STXBP4: variants seen among roughly 807,000 people sequenced by gnomAD.
The protein encoded by STXBP4 is syntaxin-binding protein 4.
Under a neutral mutation model 76.1 loss-of-function variants are expected in STXBP4, and 55 were observed. The observed-to-expected ratio is 0.72, with a 90% CI of 0.58 to 0.91. The LOEUF is 0.91. Among genes scored for constraint, STXBP4 ranks in the 40% least tolerant of loss-of-function variants. The probability of loss-of-function intolerance (pLI) is 0.00; values close to 1 mark genes in which losing one functional copy is unlikely to be tolerated. For missense variants in STXBP4, 618 were observed against 636.9 expected (o/e 0.97, Z 0.32); for synonymous variants, 201 against 220.2 (o/e 0.91, Z 0.77).
intron 8 of STXBP4, among the ~76,000 whole-genome samples, chr17:55,019,043 T>C (rs1276472890): frequency 6.6e-6 from 1 of 152,222 alleles, no homozygotes; most frequent in Non-Finnish European, 1.5e-5. Context: ...AAAATAATTG[T>C]TGGATTAGTT....
rs560390920 is a variant in STXBP4 at position 55,153,366 on chromosome 17, G to A, written c.1548-6431G>A. ...AGTGGCTTTAGCATTTATACATGAC[G>A]GAATCAATAATACTGACAAAATACT... On this transcript the variant is annotated intron_variant, in intron 17 of 17. Coordinates refer to ENST00000376352, the MANE Select transcript of STXBP4 (RefSeq NM_178509.6). Among the ~76,000 whole-genome samples the A allele has an allele frequency of 5.1e-4, 78 of 152,192 alleles. No homozygotes were observed. In the South Asian group the frequency reaches 0.015, roughly 30 times the overall value.
At chr17:54,972,441 A>G (rs142354388) in intron 1 of STXBP4, among the ~76,000 whole-genome samples, 82 of 152,238 alleles carry the variant, frequency 5.4e-4, no homozygotes, top group Non-Finnish European at 4.9e-4. Flanking sequence ...TATACCATAT[A>G]TTTCTTGTTT....
rs376162283 is a variant in STXBP4 at position 54,978,133 on chromosome 17, T to C, written c.-156-7481T>C. On this transcript the variant is annotated intron_variant, in intron 1 of 17. Coordinates refer to ENST00000376352, the MANE Select transcript of STXBP4 (RefSeq NM_178509.6). ...AAGAAAATCGTTCCCTCAAAAAACA[T>C]TGGGAGACTTGTAGTTTAATAAGCC... Among the ~76,000 whole-genome samples, 233 of 152,288 alleles carry C rather than the reference T, an allele frequency of 1.5e-3. 7 individuals are homozygous for C. The South Asian group carries it at 0.045, about 29-fold the overall frequency.
At chr17:54,969,869 G>C (rs1333502597) in intron 1 of STXBP4, among the ~76,000 whole-genome samples, 1 of 152,196 alleles carries the variant, frequency 6.6e-6, no homozygotes, top group African/African-American at 2.4e-5. Context: ...GAGGGACTCA[G>C]AAAATAATCA....
At chr17:55,194,091 G>A in the STXBP4 span, among the ~76,000 whole-genome samples, 1 of 152,012 alleles carries the variant, frequency 6.6e-6, no homozygotes, top group South Asian at 2.1e-4. Flanking sequence ...TTACACATAT[G>A]CCTGCATTCA....
At chr17:55,131,508 T>C (rs953406736) in intron 16 of STXBP4, among the ~76,000 whole-genome samples, 2 of 152,234 alleles carry the variant, frequency 1.3e-5, no homozygotes, top group African/African-American at 4.8e-5. Flanking sequence ...TGTGTCTACC[T>C]ATTGCTCTCA....
At chr17:54,999,059 G>A (rs1490654415) in intron 4 of STXBP4, among the ~76,000 whole-genome samples, 1 of 147,682 alleles carries the variant, frequency 6.8e-6, no homozygotes, top group East Asian at 2.1e-4. Flanking sequence ...TTTTAAAACA[G>A]GTCCCTTTTC....
chr17:55,076,925 T>G (rs1206148993), intron 13 of STXBP4, among the ~76,000 whole-genome samples: 1 of 152,196 alleles, frequency 6.6e-6, no homozygotes, highest in Non-Finnish European at 1.5e-5. Context: ...TCTAACTGGA[T>G]GTCAAATCTA....
chr17:55,064,909 T>C (rs968701387), intron 12 of STXBP4, among the ~76,000 whole-genome samples: 7 of 152,228 alleles, frequency 4.6e-5, no homozygotes, highest in African/African-American at 1.7e-4. Context: ...TATATTTACC[T>C]AGATCCCTGT....
the STXBP4 span, among the ~76,000 whole-genome samples, chr17:55,183,473 A>G: frequency 1.3e-5 from 2 of 152,278 alleles, no homozygotes; most frequent in Non-Finnish European, 2.9e-5. Flanking sequence ...ATGTACATAC[A>G]TTGGTTGGCA....
intron 16 of STXBP4, among the ~76,000 whole-genome samples, chr17:55,126,859 A>T (rs567338135): frequency 6.6e-6 from 1 of 152,208 alleles, no homozygotes; most frequent in African/African-American, 2.4e-5. Context: ...AACTCAGTGG[A>T]TGACATTAAG....
At chr17:55,082,504 A>G (rs2079268255) in intron 16 of STXBP4, among the ~76,000 whole-genome samples, 1 of 152,186 alleles carries the variant, frequency 6.6e-6, no homozygotes, top group African/African-American at 2.4e-5. Flanking sequence ...ACCACCATAA[A>G]TATCTAGTAG....
chr17:55,139,489 A>G (rs1163219009), intron 16 of STXBP4, among the ~76,000 whole-genome samples: 3 of 152,170 alleles, frequency 2.0e-5, no homozygotes, highest in African/African-American at 4.8e-5. Flanking sequence ...CATGAAAGCA[A>G]GGTTCTTAGG....
At chr17:55,152,887 A>G (rs1396405594) in intron 17 of STXBP4, among the ~76,000 whole-genome samples, 2 of 152,188 alleles carry the variant, frequency 1.3e-5, no homozygotes, top group Non-Finnish European at 2.9e-5. Context: ...TAGTCAATAC[A>G]TCTTTAATTA....
At chr17:55,145,972 T>C (rs1340212730) in intron 17 of STXBP4, among the ~76,000 whole-genome samples, 1 of 152,240 alleles carries the variant, frequency 6.6e-6, no homozygotes, top group Non-Finnish European at 1.5e-5. Context: ...ACTGATTAAC[T>C]TGATCCATTT....
At chr17:55,155,237 A>G (rs1417827696) in intron 17 of STXBP4, among the ~76,000 whole-genome samples, 1 of 152,118 alleles carries the variant, frequency 6.6e-6, no homozygotes, top group African/African-American at 2.4e-5. Flanking sequence ...GTGTTTATAT[A>G]AGATTATATG....
In STXBP4 at chr17:55,052,042, G is replaced by A. The variant is rs559904408; in HGVS notation, c.1011+4888G>A. Among the ~76,000 whole-genome samples, 44 of 152,000 alleles carry A rather than the reference G, an allele frequency of 2.9e-4. 1 individual carries two copies. The highest frequency in any genetic ancestry group is 6.8e-3 in the Middle Eastern group (2 of 292). On this transcript the variant is annotated intron_variant, in intron 12 of 17. Coordinates refer to ENST00000376352, the MANE Select transcript of STXBP4 (RefSeq NM_178509.6). ...TTAAGTCAAACCATCATAAGTCAGG[G>A]ACTATCTGTATATGTATATTTTCCC... is the stretch of plus-strand genomic sequence containing the variant.
At chr17:55,038,653 G>A (rs922715310) in intron 10 of STXBP4, among the ~76,000 whole-genome samples, 1 of 151,902 alleles carries the variant, frequency 6.6e-6, no homozygotes, top group Non-Finnish European at 1.5e-5. Flanking sequence ...CTGGCACAAG[G>A]TTATATGCAG....
intron 16 of STXBP4, among the ~76,000 whole-genome samples, chr17:55,104,800 T>C (rs2079610891): frequency 6.6e-6 from 1 of 152,204 alleles, no homozygotes. Flanking sequence ...TGCCTCAATT[T>C]CAGAACTTGT....
Sources: allele counts gnomAD v4.1 joint callset (sites outside exome capture counted in the v4.1 genomes callset), GRCh38; gene constraint gnomAD v4.1.1; transcripts MANE v1.5; gene names NCBI Gene and HGNC (gene_info 2026-07-23, HGNC 2026-07-21).